The following PKLR variants were observed in gnomAD, a reference collection of about 807,000 sequenced individuals.
The protein encoded by PKLR is pyruvate kinase L/R.
In PKLR, 38 loss-of-function variants were observed where a neutral mutation model predicts 53.6. The observed-to-expected ratio is 0.71, with a 90% CI of 0.55 to 0.93. PKLR has a LOEUF of 0.93. Ranked by LOEUF, PKLR falls within the 40% of genes least tolerant of loss-of-function variation. The pLI is 0.00. For synonymous variants in PKLR, 328 were observed against 316.2 expected (o/e 1.04, Z -0.39); for missense variants, 702 against 787.3 (o/e 0.89, Z 1.30).
intron 2 of PKLR, 111 bp downstream of exon 2, chr1:155,299,983 TTAAA>T: frequency 8.8e-7 from 1 of 1,140,914 alleles, no homozygotes. Context: ...CAAATTTTTG[TTAAA>T]TGAATGACTG....
upstream of PKLR, among the ~76,000 whole-genome samples, chr1:155,302,782 C>T (rs1156891351): frequency 2.6e-5 from 4 of 152,076 alleles, no homozygotes; most frequent in Non-Finnish European, 5.9e-5. Flanking sequence ...CAACGATCCT[C>T]CCACCTCAGC....
upstream of PKLR, among the ~76,000 whole-genome samples, chr1:155,303,328 A>G (rs1030125521): frequency 2.6e-5 from 4 of 152,206 alleles, no homozygotes; most frequent in Admixed American, 6.5e-5. Context: ...GATTCTCTGG[A>G]AGGGCTTTGA....
At position 155,291,753 on chromosome 1, in the gene PKLR, C is replaced by T; in HGVS notation, c.1618+3G>A. On this transcript the variant is annotated splice_donor_region_variant and intron_variant, in intron 10 of 10. Transcript: ENST00000342741. ...AGTGGCAGGGAAGGTCTAGGTAGCT[C>T]ACCACTTTCAATGCCAAATTGCACC... 6.2e-7 allele frequency: 1 copy of T among 1,613,818 alleles called. No homozygotes were observed. Among genetic ancestry groups the T allele is most frequent in the Non-Finnish European group, 8.5e-7 (1 of 1,179,768 alleles).
In PKLR at chr1:155,301,174, G is replaced by T. The variant is rs897423211; in HGVS notation, c.100+122C>A. 12 of 1,362,900 alleles carry T rather than the reference G, an allele frequency of 8.8e-6. 1 individual carries two copies. In the Admixed American group the frequency reaches 2.3e-4, roughly 26 times the overall value. The allele number at this position is 1,362,900 out of a possible 1,614,324, so 84.4% of individuals were successfully genotyped here. ...ACACGGGAGGCTCTGAAGAACGTAC[G>T]TTCCTCTCCAAAACCCACCTAGCCA... On this transcript the variant is annotated intron_variant, in intron 1 of 10. Coordinates refer to ENST00000342741, the MANE Select transcript of PKLR (RefSeq NM_000298.6).
Position 155,294,638 on chromosome 1 carries a change from C to G in PKLR, c.809G>C (p.Arg270Pro). 1 of 1,614,202 alleles carries G rather than the reference C, an allele frequency of 6.2e-7. No individual in the cohort carries two copies. The highest frequency in any genetic ancestry group is 2.2e-5 in the East Asian group (1 of 44,884). Residue 270 changes from arginine to proline, a missense_variant, in exon 6 of 11, where the codon CGA becomes CCA. Physicochemically the swap from Arg to Pro is moderately radical, Grantham distance 103 (BLOSUM62 -2). Transcript: ENST00000342741. ...ATGCTCCACCCCGAAGCGCAGGTCT[C>G]GGACGTCCTGCTCGGACAGCCCGGG... ...DLPGLSEQDV[R>P]DLRFGVEHGV...
chr1:155,294,306 CCTT>C lies in PKLR; in HGVS notation c.1042_1044del (p.Lys348del), dbSNP rs762301937. 1.9e-6 allele frequency: 3 copies of C among 1,614,166 alleles called. No homozygotes were observed. Among genetic ancestry groups the C allele is most frequent in the African/African-American group, 1.3e-5 (1 of 75,038 alleles). On this transcript the variant is annotated inframe_deletion, in exon 7 of 11. Coordinates refer to ENST00000342741, the MANE Select transcript of PKLR (RefSeq NM_000298.6). ...ATCATCATCTTCTGAGCCAGGAAAA[CCTT>C]CTCTGCTGGGATCTCGATGCCTAGG...
chr1:155,295,102 A>C lies in PKLR; in HGVS notation c.694+14T>G, dbSNP rs1480157052. On this transcript the variant is annotated intron_variant, in intron 5 of 10. Transcript: ENST00000342741. This position sits in a 1 kb window ranked among gnomAD's most constrained non-coding sequence, Gnocchi z 4.3. ...AGCGCACGGATGTGGTCAGGGCGGG[A>C]GGCGCGTCCGCACCGATTTTCTGGA... 10 of 1,613,256 alleles carry C rather than the reference A, an allele frequency of 6.2e-6. No homozygotes were observed. The highest frequency in any genetic ancestry group is 8.5e-6 in the Non-Finnish European group (10 of 1,179,610).
rs1674457519 is a variant in PKLR at position 155,289,867 on chromosome 1, T to C, written c.*705A>G. The C allele has an allele frequency of 6.6e-6, 1 of 152,338 alleles. No individual in the cohort carries two copies. Among genetic ancestry groups the C allele is most frequent in the Non-Finnish European group, 1.5e-5 (1 of 68,100 alleles). 9.4% of individuals were successfully genotyped at this position (152,338 alleles called of 1,614,324 possible). ...ACACTCATTTTTGGCTCTTGGTTTG[T>C]GTGTGGGAACAACATGAGTGGGAAG... On this transcript the variant is annotated 3_prime_UTR_variant, in exon 11 of 11. Coordinates refer to ENST00000342741, the MANE Select transcript of PKLR (RefSeq NM_000298.6).
At chr1:155,300,738 T>C in intron 1 of PKLR, 3 of 923,418 alleles carry the variant, frequency 3.2e-6, no homozygotes, top group Admixed American at 4.0e-5. Context: ...GTCTCTGTTT[T>C]CTCCCTTCCA....
In PKLR at chr1:155,294,725, T is replaced by A. The variant is rs776546824; in HGVS notation, c.722A>T (p.Glu241Val). Reference protein sequence around the residue: ...IGPEGLVTQVENGGVLGSRKG... With the variant: ...IGPEGLVTQVVNGGVLGSRKG... ...CCGGCTGCCCAGGACGCCGCCGTTC[T>A]CCACTTGGGTCACCAGTCCCTCTGG... Residue 241 changes from glutamate (E) to valine (V), a missense_variant, in exon 6 of 11, where the codon GAG (glutamate) becomes GTG (valine). Physicochemically the swap from Glu to Val is moderately radical, Grantham distance 121. Transcript: ENST00000342741. The A allele has an allele frequency of 2.5e-6, 4 of 1,613,974 alleles. No individual in the cohort carries two copies. The Admixed American group carries it at 6.7e-5, about 27-fold the overall frequency.
At chr1:155,307,058 G>T in the PKLR span, among the ~76,000 whole-genome samples, 1 of 152,162 alleles carries the variant, frequency 6.6e-6, no homozygotes, top group Admixed American at 6.5e-5. Context: ...GGCACTACAG[G>T]TGTGCGCCAC....
Position 155,293,644 on chromosome 1 carries a change from C to T in PKLR, c.1117-54G>A. ...TAGGACTCACACTGTGACTGGGGAC[C>T]CTGCCCAAGCTACTTCTCTGACACC... On this transcript the variant is annotated intron_variant, in intron 7 of 10. Transcript: ENST00000342741. The surrounding 1 kb of genome is among the most constrained non-coding windows in gnomAD (Gnocchi z 4.2). 1 of 1,586,964 alleles carries T rather than the reference C, an allele frequency of 6.3e-7. No homozygotes were observed. The highest frequency in any genetic ancestry group is 1.7e-5 in the Admixed American group (1 of 59,752).
chr1:155,299,162 TC>T (rs1647834282), intron 2 of PKLR, among the ~76,000 whole-genome samples: 2 of 136,710 alleles, frequency 1.5e-5, no homozygotes, highest in African/African-American at 5.4e-5. Flanking sequence ...TCCTTCTTTC[TC>T]TCTCTCTTTC....
intron 2 of PKLR, among the ~76,000 whole-genome samples, chr1:155,299,171 T>G (rs1489740583): frequency 3.4e-5 from 5 of 146,038 alleles, no homozygotes; most frequent in African/African-American, 1.3e-4. Context: ...CTCTCTCTCT[T>G]TCTTTCTTTC....
Position 155,295,575 on chromosome 1 carries a change from G to A in PKLR, c.376-7C>T, listed in dbSNP as rs771904185. 7.4e-6 allele frequency: 12 copies of A among 1,613,986 alleles called. No homozygotes were observed. The highest frequency in any genetic ancestry group is 6.7e-5 in the Admixed American group (4 of 60,002). On this transcript the variant is annotated splice_region_variant and splice_polypyrimidine_tract_variant and intron_variant, in intron 3 of 10. Transcript: ENST00000342741. The surrounding 1 kb of genome is among the most constrained non-coding windows in gnomAD (Gnocchi z 4.3). ...CGATGGACTCAGCATGGTACTGGGGGAGGGAGCGGAGCGAGGGTTTCAGGG... is the reference window on the plus strand; with the variant it reads ...CGATGGACTCAGCATGGTACTGGGGAAGGGAGCGGAGCGAGGGTTTCAGGG...
At chr1:155,300,922 G>A (rs368867132) in intron 1 of PKLR, 1 of 1,604,236 alleles carries the variant, frequency 6.2e-7, no homozygotes. Context: ...CCCTCTCTGT[G>A]GGTCTGCTCC....
chr1:155,298,406 G>A (rs1267106410), intron 2 of PKLR, among the ~76,000 whole-genome samples: 9 of 149,836 alleles, frequency 6.0e-5, no homozygotes, highest in East Asian at 2.0e-4. Flanking sequence ...TTGGCTCACC[G>A]CAACCTCCGC....
In PKLR at chr1:155,294,590, G is replaced by C; in HGVS notation, c.857C>G (p.Ser286Cys). Residue 286 changes from serine to cysteine, a missense_variant, in exon 6 of 11, where the codon TCC becomes TGC. This residue lies in a region of PKLR where 519 missense variants were observed against 537.1 expected (regional missense o/e 0.97). Transcript: ENST00000342741. Reference protein sequence around the residue: ...VEHGVDIVFASFVRKASDVAA... With the variant: ...VEHGVDIVFACFVRKASDVAA... Reference sequence around the variant, plus strand: ...CACGTCGCTGGCTTTCCGCACAAAGGAGGCAAAGACGATGTCCACCCCATG... The same window carrying C: ...CACGTCGCTGGCTTTCCGCACAAAGCAGGCAAAGACGATGTCCACCCCATG... 6.2e-7 allele frequency: 1 copy of C among 1,614,244 alleles called. No individual in the cohort carries two copies. Among genetic ancestry groups the C allele is most frequent in the Non-Finnish European group, 8.5e-7 (1 of 1,180,040 alleles).
chr1:155,302,006 A>G (rs1256728905), upstream of PKLR, among the ~76,000 whole-genome samples: 1 of 151,774 alleles, frequency 6.6e-6, no homozygotes, highest in Non-Finnish European at 1.5e-5. Flanking sequence ...TCCTACCCCC[A>G]GGGAAATTTT....
Sources: gnomAD v4.1 joint callset for allele counts (sites outside exome capture counted in the v4.1 genomes callset) on GRCh38, gnomAD v4.1.1 for gene constraint, gnomAD v4.1.1 regional missense constraint, Gnocchi (gnomAD v3.1) non-coding constraint, MANE v1.5 for transcripts, NCBI Gene and HGNC (gene_info 2026-07-23, HGNC 2026-07-21) for gene names.